EYS: variants seen among roughly 807,000 people sequenced by gnomAD.
EYS encodes the protein protein eyes shut homolog.
Under a neutral mutation model 282.1 loss-of-function variants are expected in EYS, and 250 were observed. That is an observed-to-expected ratio of 0.89 (90% CI 0.80 to 0.98). The LOEUF (loss-of-function observed/expected upper bound fraction) is 0.98, where lower values mean the gene tolerates loss of function less well. EYS is among the 50% of genes least tolerant of loss of function. The pLI is 0.00. For missense variants in EYS, 4,016 were observed against 3,709.0 expected, an observed-to-expected ratio of 1.08 and a Z score of -2.15; for synonymous variants, 1,355 against 1,282.9, an observed-to-expected ratio of 1.06 and a Z score of -1.20.
chr6:64,422,221 T>C (rs1168396959), intron 28 of EYS, among the ~76,000 whole-genome samples: 3 of 152,080 alleles, frequency 2.0e-5, no homozygotes, highest in African/African-American at 4.8e-5. Flanking sequence ...AGGGTGCCCA[T>C]TGAAGGGAAG....
chr6:65,353,832 T>C (rs1452432646), intron 8 of EYS, among the ~76,000 whole-genome samples: 1 of 152,116 alleles, frequency 6.6e-6, no homozygotes, highest in Non-Finnish European at 1.5e-5. Context: ...TATATGATAA[T>C]CTTTTAGCTT....
At chr6:65,284,353 T>TA (rs1768302119) in intron 12 of EYS, among the ~76,000 whole-genome samples, 2 of 152,280 alleles carry the variant, frequency 1.3e-5, no homozygotes, top group South Asian at 4.1e-4. Flanking sequence ...TCAGTTGCCA[T>TA]ATGAAAAAAG....
intron 29 of EYS, among the ~76,000 whole-genome samples, chr6:64,346,310 C>G (rs1050736457): frequency 6.6e-5 from 10 of 152,148 alleles, no homozygotes; most frequent in African/African-American, 2.4e-4. Context: ...CCCAAATATC[C>G]AACAATGATA....
chr6:63,826,769 G>A (rs1320312416), intron 36 of EYS, among the ~76,000 whole-genome samples: 1 of 137,218 alleles, frequency 7.3e-6, no homozygotes, highest in Non-Finnish European at 1.6e-5. Flanking sequence ...AAAAAATCCT[G>A]TAAACACATC....
chr6:64,209,927 C>T (rs1311968241), intron 31 of EYS, among the ~76,000 whole-genome samples: 2 of 152,136 alleles, frequency 1.3e-5, no homozygotes, highest in African/African-American at 4.8e-5. Context: ...CCCTGAACCT[C>T]TCTCTCTTTG....
At chr6:63,848,631 G>T (rs554263364) in intron 36 of EYS, among the ~76,000 whole-genome samples, 2 of 152,048 alleles carry the variant, frequency 1.3e-5, no homozygotes, top group Non-Finnish European at 2.9e-5. Context: ...GCTGTGTCAC[G>T]AGGGATGGTG....
At chr6:64,066,882 T>TCA (rs1313327406) in intron 32 of EYS, among the ~76,000 whole-genome samples, 4 of 152,244 alleles carry the variant, frequency 2.6e-5, no homozygotes, top group African/African-American at 9.6e-5. Flanking sequence ...TTTAATAACT[T>TCA]GTATTATTAT....
At chr6:64,291,385 T>C (rs1181215500) in intron 30 of EYS, among the ~76,000 whole-genome samples, 13 of 152,128 alleles carry the variant, frequency 8.5e-5, no homozygotes, top group Admixed American at 8.5e-4. Context: ...TCATATAGGA[T>C]TATATTTGTA....
At chr6:64,524,818 A>G (rs1777867250) in intron 26 of EYS, among the ~76,000 whole-genome samples, 2 of 151,664 alleles carry the variant, frequency 1.3e-5, no homozygotes, top group South Asian at 4.2e-4. Context: ...ATTCTGTTCC[A>G]TTGGTCTATG....
At chr6:65,159,148 TTAAGTA>T (rs1273627144) in intron 12 of EYS, among the ~76,000 whole-genome samples, 5 of 150,870 alleles carry the variant, frequency 3.3e-5, no homozygotes, top group Admixed American at 6.6e-5. Flanking sequence ...CTATTCAAGT[TTAAGTA>T]TAACAGATTA....
At chr6:64,044,828 A>G (rs1407850435) in intron 33 of EYS, among the ~76,000 whole-genome samples, 2 of 152,208 alleles carry the variant, frequency 1.3e-5, no homozygotes, top group Non-Finnish European at 1.5e-5. Context: ...GAGCACAAAA[A>G]TAAAAGGCAG....
intron 22 of EYS, among the ~76,000 whole-genome samples, chr6:64,707,130 C>CACAT (rs1038042892): frequency 2.0e-5 from 3 of 149,372 alleles, no homozygotes; most frequent in Admixed American, 6.7e-5. Context: ...CACACACACA[C>CACAT]ATATATATAT....
At chr6:65,663,422 AG>A in intron 1 of EYS, among the ~76,000 whole-genome samples, 1 of 152,332 alleles carries the variant, frequency 6.6e-6, no homozygotes, top group East Asian at 1.9e-4. Context: ...ATTTACAAAA[AG>A]GAAGGCTAAT....
intron 28 of EYS, among the ~76,000 whole-genome samples, chr6:64,409,064 A>G (rs1582716264): frequency 6.6e-6 from 1 of 152,094 alleles, no homozygotes; most frequent in East Asian, 1.9e-4. Context: ...TTCTGTTCTT[A>G]CTTTAATTTG....
intron 35 of EYS, among the ~76,000 whole-genome samples, chr6:63,945,938 T>C (rs1324629957): frequency 1.3e-5 from 2 of 152,336 alleles, no homozygotes; most frequent in South Asian, 4.1e-4. Flanking sequence ...TTATTCCTTT[T>C]CCTGAACCTA....
At chr6:64,580,217 A>G (rs1177723400) in intron 26 of EYS, among the ~76,000 whole-genome samples, 1 of 152,132 alleles carries the variant, frequency 6.6e-6, no homozygotes, top group African/African-American at 2.4e-5. Flanking sequence ...AGCTTTGGAT[A>G]AAGTATTATG....
chr6:64,939,951 C>G (rs1158417331), intron 15 of EYS, among the ~76,000 whole-genome samples: 1 of 152,004 alleles, frequency 6.6e-6, no homozygotes, highest in Non-Finnish European at 1.5e-5. Flanking sequence ...ATCACCCAAA[C>G]AAAAGACTAA....
At chr6:65,694,890 T>C (rs1375415743) in intron 1 of EYS, among the ~76,000 whole-genome samples, 7 of 151,940 alleles carry the variant, frequency 4.6e-5, no homozygotes, top group Non-Finnish European at 8.8e-5. Flanking sequence ...CAGTATTGCG[T>C]AAGAAAAATT....
In EYS at chr6:64,017,255, A is replaced by G. The variant is rs558559830; in HGVS notation, c.6726-18072T>C. 3.9e-5 allele frequency among the ~76,000 whole-genome samples: 6 copies of G among 152,136 alleles called. No homozygotes were observed. The East Asian group carries it at 1.2e-3, about 30-fold the overall frequency. On this transcript the variant is annotated intron_variant, in intron 33 of 42. Coordinates refer to ENST00000503581, the MANE Select transcript of EYS (RefSeq NM_001142800.2). ...GTTGGTGGCAGGTTCCTGGCAGGGTACCTAGAAGAGAATTACAGTGCCTGA... is the reference window on the plus strand; with the variant it reads ...GTTGGTGGCAGGTTCCTGGCAGGGTGCCTAGAAGAGAATTACAGTGCCTGA...
Sources: gnomAD v4.1 joint callset for allele counts (sites outside exome capture counted in the v4.1 genomes callset) on GRCh38, gnomAD v4.1.1 for gene constraint, MANE v1.5 for transcripts, NCBI Gene and HGNC (gene_info 2026-07-23, HGNC 2026-07-21) for gene names.